The following MEIS2 variants were observed in gnomAD, a reference collection of about 807,000 sequenced individuals.
The protein encoded by MEIS2 is Meis homeobox 2, also known as homeobox protein Meis2.
A neutral mutation model predicts 58.6 loss-of-function variants in MEIS2; 9 were observed. That is an observed-to-expected ratio of 0.15 (90% CI 0.09 to 0.27). The LOEUF (loss-of-function observed/expected upper bound fraction) is 0.27. MEIS2 is among the 10% of genes least tolerant of loss of function. The probability of loss-of-function intolerance (pLI) is 1.00; values close to 1 mark genes in which losing one functional copy is unlikely to be tolerated. For missense variants in MEIS2, 427 were observed against 635.0 expected (o/e 0.67, Z 3.52); for synonymous variants, 221 against 228.4 (o/e 0.97, Z 0.29).
At chr15:37,027,259 C>G (rs1274668011) in intron 8 of MEIS2, among the ~76,000 whole-genome samples, 3 of 152,152 alleles carry the variant, frequency 2.0e-5, no homozygotes, top group Non-Finnish European at 2.9e-5. Context: ...TTCCAGGAGT[C>G]CTCTGAAATC....
At chr15:37,007,277 T>G (rs1395457973) in intron 8 of MEIS2, among the ~76,000 whole-genome samples, 1 of 152,102 alleles carries the variant, frequency 6.6e-6, no homozygotes, top group Non-Finnish European at 1.5e-5. Flanking sequence ...AGCTGTAATC[T>G]CAGCTATCCA....
In MEIS2 at chr15:36,912,592, G is replaced by A. The variant is rs1159603466; in HGVS notation, c.978-15906C>T. Among the ~76,000 whole-genome samples the A allele has an allele frequency of 2.0e-5, 3 of 152,168 alleles. No individual in the cohort carries two copies. In the East Asian group the frequency reaches 5.8e-4, roughly 29 times the overall value. On this transcript the variant is annotated intron_variant, in intron 9 of 11. Coordinates refer to ENST00000561208, the MANE Select transcript of MEIS2 (RefSeq NM_170675.5). ...TTTGAACACCAGAAGGGATGGGCAA[G>A]CCACATAAAGTCAATGAATTTGGTT... is the stretch of plus-strand genomic sequence containing the variant.
intron 8 of MEIS2, among the ~76,000 whole-genome samples, chr15:37,023,861 C>A (rs1307257602): frequency 6.7e-6 from 1 of 149,930 alleles, no homozygotes; most frequent in African/African-American, 2.5e-5. Context: ...TTCTTAGTAC[C>A]TTCCCAGGTG....
At chr15:36,924,346 C>T (rs560287442) in intron 9 of MEIS2, among the ~76,000 whole-genome samples, 1 of 152,288 alleles carries the variant, frequency 6.6e-6, no homozygotes, top group African/African-American at 2.4e-5. Flanking sequence ...ACTGTGTGCA[C>T]GGCTGAGATC....
chr15:36,890,406 T>A lies in MEIS2; in HGVS notation c.*1767A>T, dbSNP rs186922079. Reference sequence around the variant, plus strand: ...TTTTGTTTTGTTTTCAGAAAAAAGTTTAAGTTTAGTTATCAAATCATCACA... The same window carrying A: ...TTTTGTTTTGTTTTCAGAAAAAAGTATAAGTTTAGTTATCAAATCATCACA... On this transcript the variant is annotated 3_prime_UTR_variant, in exon 12 of 12. Coordinates refer to ENST00000561208, the MANE Select transcript of MEIS2 (RefSeq NM_170675.5). 8 of 152,254 alleles carry A rather than the reference T, an allele frequency of 5.3e-5. No homozygotes were observed. Among genetic ancestry groups the A allele is most frequent in the Admixed American group, 5.2e-4 (8 of 15,304 alleles). 9.4% of individuals were successfully genotyped at this position (152,254 alleles called of 1,614,324 possible). A position where few individuals can be genotyped will look rare whatever the true frequency, so the allele number is the denominator to read the frequency against.
intron 8 of MEIS2, among the ~76,000 whole-genome samples, chr15:36,988,508 T>C (rs960697188): frequency 1.3e-5 from 2 of 152,196 alleles, no homozygotes; most frequent in Non-Finnish European, 2.9e-5. Flanking sequence ...CTCTAGACAA[T>C]TGCTATGACT....
intron 9 of MEIS2, among the ~76,000 whole-genome samples, chr15:36,942,175 G>A (rs2058399707): frequency 1.3e-5 from 2 of 152,126 alleles, no homozygotes; most frequent in African/African-American, 4.8e-5. Context: ...AATCTCCACC[G>A]AATGATCAGT....
At chr15:37,059,089 A>C (rs1458961594) in intron 7 of MEIS2, among the ~76,000 whole-genome samples, 1 of 152,224 alleles carries the variant, frequency 6.6e-6, no homozygotes, top group Non-Finnish European at 1.5e-5. Flanking sequence ...AAACGAGGAG[A>C]TAAGTTTATT....
At chr15:36,940,712 A>C (rs1443233260) in intron 9 of MEIS2, among the ~76,000 whole-genome samples, 1 of 152,154 alleles carries the variant, frequency 6.6e-6, no homozygotes, top group Non-Finnish European at 1.5e-5. Context: ...TCCTGTCAAA[A>C]GGCTACTCAA....
intron 8 of MEIS2, among the ~76,000 whole-genome samples, chr15:36,992,203 T>G (rs1287845625): frequency 6.6e-6 from 1 of 152,142 alleles, no homozygotes; most frequent in African/African-American, 2.4e-5. Flanking sequence ...TAACTCTGCT[T>G]GGATAAATAT....
intron 8 of MEIS2, among the ~76,000 whole-genome samples, chr15:36,993,526 AT>A (rs972526265): frequency 2.6e-5 from 4 of 152,192 alleles, no homozygotes; most frequent in Non-Finnish European, 4.4e-5. Context: ...GTTTTTAAGG[AT>A]AATTTTAAGC....
intron 7 of MEIS2, among the ~76,000 whole-genome samples, chr15:37,078,144 G>C (rs1891666583): frequency 6.6e-6 from 1 of 151,942 alleles, no homozygotes. Context: ...AAATAACATG[G>C]CTTCTGCATT....
At chr15:37,088,830 C>T (rs543891673) in intron 6 of MEIS2, among the ~76,000 whole-genome samples, 3 of 152,030 alleles carry the variant, frequency 2.0e-5, no homozygotes, top group African/African-American at 7.2e-5. Context: ...TTATAAAATG[C>T]CTCTTAAAAC....
At chr15:37,034,713 A>G (rs2062076215) in intron 8 of MEIS2, among the ~76,000 whole-genome samples, 1 of 152,210 alleles carries the variant, frequency 6.6e-6, no homozygotes, top group African/African-American at 2.4e-5. Flanking sequence ...GGAGCTTTCA[A>G]AACAAGAAAA....
intron 8 of MEIS2, among the ~76,000 whole-genome samples, chr15:37,018,511 A>G (rs2061423189): frequency 6.6e-6 from 1 of 152,232 alleles, no homozygotes. Context: ...TGTAAATAGT[A>G]TCTATACATG....
intron 8 of MEIS2, among the ~76,000 whole-genome samples, chr15:36,960,184 T>C (rs2059133937): frequency 6.6e-6 from 1 of 152,174 alleles, no homozygotes; most frequent in African/African-American, 2.4e-5. Context: ...AAGGTCTAGT[T>C]GGACAACAGA....
intron 7 of MEIS2, among the ~76,000 whole-genome samples, chr15:37,039,155 C>T (rs1356560890): frequency 6.6e-5 from 10 of 152,176 alleles, no homozygotes; most frequent in Admixed American, 6.5e-4. Context: ...ACTGCAAGTG[C>T]AAGTTTGAAG....
intron 9 of MEIS2, among the ~76,000 whole-genome samples, chr15:36,935,485 T>G (rs2058132713): frequency 6.6e-6 from 1 of 152,138 alleles, no homozygotes; most frequent in African/African-American, 2.4e-5. Flanking sequence ...AGTTATTAAT[T>G]TTTCAAAACA....
chr15:36,899,885 G>A (rs943683311), intron 9 of MEIS2, among the ~76,000 whole-genome samples: 6 of 152,140 alleles, frequency 3.9e-5, no homozygotes, highest in African/African-American at 1.4e-4. Context: ...GGGGAAAAGA[G>A]GGTCTTGGCA....
Sources: allele counts gnomAD v4.1 joint callset (sites outside exome capture counted in the v4.1 genomes callset), GRCh38; gene constraint gnomAD v4.1.1; transcripts MANE v1.5; gene names NCBI Gene and HGNC (gene_info 2026-07-23, HGNC 2026-07-21).